Variants in WDR37 observed in about 807,000 individuals in gnomAD.
WDR37 encodes the protein WD repeat domain 37, also known as WD repeat-containing protein 37.
WDR37 carries 19 observed loss-of-function variants against 62.9 expected under a neutral mutation model. That is an observed-to-expected ratio of 0.30 (90% CI 0.21 to 0.44). The LOEUF (loss-of-function observed/expected upper bound fraction) is 0.44, where lower values mean the gene tolerates loss of function less well. WDR37 is among the 20% of genes least tolerant of loss of function. The pLI is 1.00. For synonymous variants in WDR37, 250 were observed against 260.9 expected (o/e 0.96, Z 0.40); for missense variants, 474 against 657.6 (o/e 0.72, Z 3.05).
chr10:1,129,492 G>C lies in WDR37; in HGVS notation c.*148G>C. On this transcript the variant is annotated 3_prime_UTR_variant, in exon 14 of 14. Transcript: ENST00000263150. ...GTTCTTTTCACATAGTGCCCAGCTT[G>C]CATGAAATGTACAGAGAAATGTGTG... 1.7e-6 allele frequency: 2 copies of C among 1,196,212 alleles called. No homozygotes were observed. Among genetic ancestry groups the C allele is most frequent in the Non-Finnish European group, 2.3e-6 (2 of 869,546 alleles). The allele number at this position is 1,196,212 out of a possible 1,614,324, so 74.1% of individuals were successfully genotyped here. A position where few individuals can be genotyped will look rare whatever the true frequency, so the allele number is the denominator to read the frequency against.
At position 1,098,307 on chromosome 10, in the gene WDR37, A is replaced by G. The variant is rs1202862842; in HGVS notation, c.726+2061A>G. ...CCTTGTGTGTGCACGCTCTCTTTCTACCCCCTCCCCATCTGTCCGTTTTTT... is the reference window on the plus strand; with the variant it reads ...CCTTGTGTGTGCACGCTCTCTTTCTGCCCCCTCCCCATCTGTCCGTTTTTT... On this transcript the variant is annotated intron_variant, in intron 9 of 13. Coordinates refer to ENST00000263150, the MANE Select transcript of WDR37 (RefSeq NM_014023.4). Among the ~76,000 whole-genome samples the G allele has an allele frequency of 3.1e-5, 4 of 129,674 alleles. No homozygotes were observed. The East Asian group carries it at 6.6e-4, about 21-fold the overall frequency. The allele number at this position is 129,674 out of a possible 152,430, so 85.1% of individuals were successfully genotyped here.
rs570057731 is a variant in WDR37 at position 1,121,121 on chromosome 10, G to T, written c.1104-3097G>T. Among the ~76,000 whole-genome samples, 3 of 152,360 alleles carry T rather than the reference G, an allele frequency of 2.0e-5. No individual in the cohort carries two copies. In the East Asian group the frequency reaches 5.8e-4, roughly 29 times the overall value. On this transcript the variant is annotated intron_variant, in intron 11 of 13. Transcript: ENST00000263150. This position sits in a 1 kb window ranked among gnomAD's most constrained non-coding sequence, Gnocchi z 4.5. ...CCCATGGGACCTGTGGGCTGAGGGT[G>T]CCTTGGAAACTGCTGCCTCTTTGCC...
intron 3 of WDR37, among the ~76,000 whole-genome samples, chr10:1,079,376 T>C (rs1227071239): frequency 6.6e-6 from 1 of 150,730 alleles, no homozygotes; most frequent in Non-Finnish European, 1.5e-5. Flanking sequence ...TGAGATACTG[T>C]GCCCAGCCCA....
At chr10:1,101,157 T>C (rs753338635) in intron 9 of WDR37, among the ~76,000 whole-genome samples, 2 of 152,208 alleles carry the variant, frequency 1.3e-5, no homozygotes, top group Non-Finnish European at 2.9e-5. Flanking sequence ...TGCACTTCTC[T>C]CATCTCCTGT....
At chr10:1,072,091 C>T (rs1319702071) in intron 1 of WDR37, 25 bp from the exon 2 acceptor site, 2 of 1,572,670 alleles carry the variant, frequency 1.3e-6, no homozygotes, top group African/African-American at 1.4e-5. Flanking sequence ...GTATCAGAAA[C>T]ACTGTTTTTT....
intron 11 of WDR37, among the ~76,000 whole-genome samples, chr10:1,106,205 T>C (rs1835011732): frequency 6.6e-6 from 1 of 152,104 alleles, no homozygotes; most frequent in Non-Finnish European, 1.5e-5. Context: ...ACCTAGAGTG[T>C]TCCCTGGTTC....
chr10:1,067,738 AAGT>A (rs1833597495), intron 1 of WDR37, among the ~76,000 whole-genome samples: 1 of 152,214 alleles, frequency 6.6e-6, no homozygotes, highest in African/African-American at 2.4e-5. Context: ...CTAAATAAAA[AAGT>A]AGTGACAAAG....
At chr10:1,088,909 G>A (rs1261761992) in intron 7 of WDR37, among the ~76,000 whole-genome samples, 1 of 152,140 alleles carries the variant, frequency 6.6e-6, no homozygotes, top group Non-Finnish European at 1.5e-5. Context: ...ACACATAGAC[G>A]TGTACATACA....
intron 11 of WDR37, among the ~76,000 whole-genome samples, chr10:1,109,652 G>A (rs761389382): frequency 3.9e-5 from 6 of 152,110 alleles, no homozygotes; most frequent in African/African-American, 7.2e-5. Flanking sequence ...TGGAGGTTGC[G>A]GTGAGCCGAG....
rs74856991 is a variant in WDR37 at position 1,076,259 on chromosome 10, A to G, written c.139-1648A>G. ...TGCGTGTGTGTGTGTGGTTTGTAAA[A>G]TTTTTGTGAGAAATCTGTGATAACT... On this transcript the variant is annotated intron_variant, in intron 2 of 13. Transcript: ENST00000263150. Among the ~76,000 whole-genome samples, 1,344 of 152,104 alleles carry G rather than the reference A, an allele frequency of 8.8e-3. 13 individuals are homozygous for G. Among genetic ancestry groups the G allele is most frequent in the African/African-American group, 0.021 (868 of 41,490 alleles).
At position 1,121,015 on chromosome 10, in the gene WDR37, C is replaced by T. The variant is rs1835561368; in HGVS notation, c.1104-3203C>T. On this transcript the variant is annotated intron_variant, in intron 11 of 13. Coordinates refer to ENST00000263150, the MANE Select transcript of WDR37 (RefSeq NM_014023.4). The surrounding 1 kb of genome is among the most constrained non-coding windows in gnomAD (Gnocchi z 4.5). Reference sequence around the variant, plus strand: ...AGCTGGAGGAGCACGCTCGGCTGCCCCACACGACAAGATAAATGAGTTTGC... The same window carrying T: ...AGCTGGAGGAGCACGCTCGGCTGCCTCACACGACAAGATAAATGAGTTTGC... Among the ~76,000 whole-genome samples the T allele has an allele frequency of 6.6e-6, 1 of 152,226 alleles. No individual in the cohort carries two copies. The highest frequency in any genetic ancestry group is 1.5e-5 in the Non-Finnish European group (1 of 68,040).
intron 11 of WDR37, among the ~76,000 whole-genome samples, chr10:1,119,989 A>T (rs771345310): frequency 1.3e-5 from 2 of 152,198 alleles, no homozygotes; most frequent in African/African-American, 2.4e-5. Context: ...AAAGAATCAC[A>T]TGTGATACAT....
Position 1,077,982 on chromosome 10 carries a change from C to T in WDR37, c.214C>T (p.Leu72Phe), listed in dbSNP as rs1221186184. ...TCAAATAGAAAGAGAATTTGAAAACCTTTATATCGAAAACTTAGAATGTGA... is the reference window on the plus strand; with the variant it reads ...TCAAATAGAAAGAGAATTTGAAAACTTTTATATCGAAAACTTAGAATGTGA... ...FGQIEREFENLYIENLELRRE... is the reference protein window; with the variant it reads ...FGQIEREFENFYIENLELRRE... The change falls in exon 3 of 14, where the codon CTT becomes TTT. Residue 72 changes from leucine to phenylalanine, a missense_variant. Transcript: ENST00000263150. 1.2e-6 allele frequency: 2 copies of T among 1,610,120 alleles called. No homozygotes were observed. The highest frequency in any genetic ancestry group is 1.1e-5 in the South Asian group (1 of 90,470).
In WDR37 at chr10:1,124,793, C is replaced by T; in HGVS notation, c.1239-117C>T. 13 of 1,331,328 alleles carry T rather than the reference C, an allele frequency of 9.8e-6. No homozygotes were observed. In the South Asian group the frequency reaches 1.8e-4, roughly 19 times the overall value. The allele number at this position is 1,331,328 out of a possible 1,614,324, so 82.5% of individuals were successfully genotyped here. ...AAGCAGGTGGTACACGCAGTGTGTT[C>T]ATGTAGTCGGCCTTGAAATGTGAAT... On this transcript the variant is annotated intron_variant, in intron 12 of 13. Coordinates refer to ENST00000263150, the MANE Select transcript of WDR37 (RefSeq NM_014023.4).
intron 5 of WDR37, among the ~76,000 whole-genome samples, chr10:1,082,582 T>C (rs749170243): frequency 6.6e-6 from 1 of 152,270 alleles, no homozygotes; most frequent in Non-Finnish European, 1.5e-5. Context: ...GTTCTGCTGC[T>C]TTTCTGTTAT....
chr10:1,126,384 CG>C (rs929791066), intron 13 of WDR37, among the ~76,000 whole-genome samples: 1 of 146,670 alleles, frequency 6.8e-6, no homozygotes, highest in Non-Finnish European at 1.5e-5. Context: ...CCAGCCTGGG[CG>C]ACAGAGCGAG....
chr10:1,080,374 G>T, intron 4 of WDR37, 38 bp from the exon 5 acceptor site: 3 of 1,613,456 alleles, frequency 1.9e-6, no homozygotes, highest in Admixed American at 1.7e-5. Context: ...GTCTTTGATT[G>T]TGTGATTGTG....
intron 9 of WDR37, among the ~76,000 whole-genome samples, chr10:1,097,072 A>G (rs1205223503): frequency 6.6e-6 from 1 of 152,222 alleles, no homozygotes; most frequent in African/African-American, 2.4e-5. Context: ...TGTGAATGAA[A>G]TGTTAAAGGT....
chr10:1,130,553 A>G lies in WDR37; in HGVS notation c.*1209A>G, dbSNP rs1292731855. ...AAATTACTGCTCACCTGGTATCTGT[A>G]CGTTAATGTTTCTTGCTGAGTTACA... On this transcript the variant is annotated 3_prime_UTR_variant, in exon 14 of 14. Transcript: ENST00000263150. The G allele has an allele frequency of 2.0e-5, 3 of 152,284 alleles. No homozygotes were observed. Among genetic ancestry groups the G allele is most frequent in the African/African-American group, 7.2e-5 (3 of 41,426 alleles). The allele number at this position is 152,284 out of a possible 1,614,324, so 9.4% of individuals were successfully genotyped here. A position where few individuals can be genotyped will look rare whatever the true frequency, so the allele number is the denominator to read the frequency against.
Sources: allele counts gnomAD v4.1 joint callset (sites outside exome capture counted in the v4.1 genomes callset), GRCh38; gene constraint gnomAD v4.1.1; non-coding constraint Gnocchi (gnomAD v3.1); transcripts MANE v1.5; gene names NCBI Gene and HGNC (gene_info 2026-07-23, HGNC 2026-07-21).